Variants in AGTPBP1 observed in about 807,000 individuals in gnomAD.
The protein encoded by AGTPBP1 is ATP/GTP binding carboxypeptidase 1.
In AGTPBP1, 70 loss-of-function variants were observed where a neutral mutation model predicts 143.9. That is an observed-to-expected ratio of 0.49 (90% CI 0.40 to 0.59). The LOEUF is 0.59. AGTPBP1 is among the 20% of genes least tolerant of loss of function. The pLI, the probability that AGTPBP1 is intolerant of heterozygous loss-of-function variation, is 0.00. For missense variants in AGTPBP1, 1,229 were observed against 1,464.5 expected, an observed-to-expected ratio of 0.84 and a Z score of 2.62; for synonymous variants, 463 against 500.2, an observed-to-expected ratio of 0.93 and a Z score of 0.99.
In AGTPBP1 at chr9:85,575,305, T is replaced by C. The variant is rs1443497551; in HGVS notation, c.3503+10A>G. On this transcript the variant is annotated intron_variant, in intron 25 of 25. Transcript: ENST00000357081. The stretch of plus-strand genomic sequence containing the variant: ...ACAATATAATAAAAGAAAAAACAAT[T>C]TTTTCCTACCTAGTTACTTTGCAGC... 2 of 1,566,366 alleles carry C rather than the reference T, an allele frequency of 1.3e-6. No individual in the cohort carries two copies. Among genetic ancestry groups the C allele is most frequent in the Admixed American group, 2.2e-5 (1 of 46,088 alleles).
intron 17 of AGTPBP1, among the ~76,000 whole-genome samples, chr9:85,596,690 C>A (rs1225075453): frequency 2.6e-5 from 4 of 152,106 alleles, no homozygotes; most frequent in African/African-American, 7.2e-5. Context: ...TCATTAAACT[C>A]TTTTCTATTA....
chr9:85,564,192 A>T (rs539257343), intron 25 of AGTPBP1, among the ~76,000 whole-genome samples: 2 of 152,324 alleles, frequency 1.3e-5, no homozygotes, highest in African/African-American at 4.8e-5. Context: ...TGGAGCCTCC[A>T]CTCTAGTGTG....
chr9:85,644,069 G>T (rs1485624896), intron 12 of AGTPBP1, among the ~76,000 whole-genome samples: 2 of 151,506 alleles, frequency 1.3e-5, no homozygotes, highest in Non-Finnish European at 2.9e-5. Flanking sequence ...TAGTTTAAAA[G>T]AAAAAAACAT....
the AGTPBP1 span, chr9:85,786,103 C>T: frequency 6.4e-7 from 1 of 1,568,226 alleles, no homozygotes; most frequent in South Asian, 1.1e-5. Context: ...ATTTTTAGAT[C>T]ATAAGGCTGG....
Position 85,547,131 on chromosome 9 carries a change from A to G in AGTPBP1, c.3659T>C (p.Leu1220Ser), listed in dbSNP as rs763549504. 2 of 1,611,962 alleles carry G rather than the reference A, an allele frequency of 1.2e-6. No individual in the cohort carries two copies. Among genetic ancestry groups the G allele is most frequent in the South Asian group, 2.2e-5 (2 of 90,700 alleles). Residue 1220 changes from leucine (L) to serine (S), a missense_variant, in exon 26 of 26, where the codon TTA becomes TCA. Leu to Ser is a moderately radical substitution (Grantham distance 145). Around this residue, in one of 2 missense-constraint regions of AGTPBP1, gnomAD observed 486 missense variants for 652.3 expected, o/e 0.75. Transcript: ENST00000357081. Reference protein sequence around the residue: ...AQEEVLSDSELSRTYLP With the variant: ...AQEEVLSDSESSRTYLP ...GGCTCAAGGTAGGTATGTTCTTGAT[A>G]ATTCAGAGTCAGAAAGTACTTCTTC...
upstream of AGTPBP1, chr9:85,742,023 C>A (rs977771556): frequency 2.7e-5 from 33 of 1,200,200 alleles, no homozygotes; most frequent in Non-Finnish European, 3.4e-5. Context: ...GCTCCCAGCA[C>A]GCGCAGGGAG....
At chr9:85,802,867 C>T in the AGTPBP1 span, among the ~76,000 whole-genome samples, 5 of 152,204 alleles carry the variant, frequency 3.3e-5, no homozygotes, top group African/African-American at 1.2e-4. Context: ...GGCACAAGTA[C>T]TCTCAAAGTA....
In AGTPBP1 at chr9:85,741,760, C is replaced by T. The variant is rs1177749726; in HGVS notation, c.-34+15G>A. 1 of 1,322,678 alleles carries T rather than the reference C, an allele frequency of 7.6e-7. No individual in the cohort carries two copies. The highest frequency in any genetic ancestry group is 9.6e-7 in the Non-Finnish European group (1 of 1,039,692). 81.9% of individuals were successfully genotyped at this position (1,322,678 alleles called of 1,614,324 possible). ...ACGGCCGGCCGGGACATGAGGACTG[C>T]AGCAGGGCGCTCACCGGCTCAGGAT... On this transcript the variant is annotated intron_variant, in intron 1 of 25. Transcript: ENST00000357081.
chr9:85,576,547 T>C (rs1306215800), intron 24 of AGTPBP1, among the ~76,000 whole-genome samples: 1 of 152,212 alleles, frequency 6.6e-6, no homozygotes, highest in Non-Finnish European at 1.5e-5. Context: ...TTGTAAGTTT[T>C]AGAAAGGTTA....
intron 3 of AGTPBP1, among the ~76,000 whole-genome samples, chr9:85,686,944 C>CA (rs1303293359): frequency 6.6e-6 from 1 of 152,102 alleles, no homozygotes; most frequent in African/African-American, 2.4e-5. Flanking sequence ...CTAAAACACT[C>CA]AGACTAGTTA....
rs997978164 is a variant in AGTPBP1 at position 85,589,466 on chromosome 9, G to A, written c.2722+62C>T. On this transcript the variant is annotated intron_variant, in intron 20 of 25. Coordinates refer to ENST00000357081, the MANE Select transcript of AGTPBP1 (RefSeq NM_001330701.2). The stretch of plus-strand genomic sequence containing the variant: ...TATTATCATTTCCATTATAAAATAC[G>A]GTTAAAGCAAATCAAAGTAGGTGAG... 30 of 1,527,272 alleles carry A rather than the reference G, an allele frequency of 2.0e-5. No individual in the cohort carries two copies. The South Asian group carries it at 2.5e-4, about 13-fold the overall frequency. 94.6% of individuals were successfully genotyped at this position (1,527,272 alleles called of 1,614,324 possible). A position where few individuals can be genotyped will look rare whatever the true frequency, so the allele number is the denominator to read the frequency against.
At chr9:85,802,810 T>G in the AGTPBP1 span, among the ~76,000 whole-genome samples, 3 of 152,136 alleles carry the variant, frequency 2.0e-5, no homozygotes, top group Admixed American at 2.0e-4. Context: ...TGAATCAGAG[T>G]CACCGTGTCC....
the AGTPBP1 span, among the ~76,000 whole-genome samples, chr9:85,772,251 G>A: frequency 6.6e-6 from 1 of 152,154 alleles, no homozygotes; most frequent in Non-Finnish European, 1.5e-5. Context: ...TGGGATTACA[G>A]GTGTGAGCCA....
chr9:85,640,443 G>A (rs185515661), intron 13 of AGTPBP1, among the ~76,000 whole-genome samples: 55 of 152,316 alleles, frequency 3.6e-4, no homozygotes, highest in East Asian at 2.9e-3. Flanking sequence ...AATAGACAAT[G>A]CATTAATAAA....
rs1003311838 is a variant in AGTPBP1, at chr9:85,564,569, A to G, written c.3503+10746T>C. Among the ~76,000 whole-genome samples the G allele has an allele frequency of 3.3e-5, 5 of 152,242 alleles. 1 individual carries two copies. The highest frequency in any genetic ancestry group is 5.9e-5 in the Non-Finnish European group (4 of 68,034). ...TTTACTGTGCTTTTTCTATATTCAA[A>G]TATGTTCAAATACAGAAATACTTCC... On this transcript the variant is annotated intron_variant, in intron 25 of 25. Coordinates refer to ENST00000357081, the MANE Select transcript of AGTPBP1 (RefSeq NM_001330701.2).
chr9:85,796,230 T>C, the AGTPBP1 span, among the ~76,000 whole-genome samples: 6 of 152,178 alleles, frequency 3.9e-5, no homozygotes, highest in African/African-American at 1.2e-4. Flanking sequence ...ACAGTAGTGT[T>C]GTAGTAGTAA....
chr9:85,739,708 C>CAA (rs547952850), intron 1 of AGTPBP1, among the ~76,000 whole-genome samples: 57 of 82,024 alleles, frequency 6.9e-4, no homozygotes, highest in East Asian at 3.0e-3. Flanking sequence ...AACTCCGTCT[C>CAA]AAAAAAAAAA....
intron 14 of AGTPBP1, among the ~76,000 whole-genome samples, chr9:85,628,054 G>A (rs917955267): frequency 6.6e-6 from 1 of 152,112 alleles, no homozygotes; most frequent in Non-Finnish European, 1.5e-5. Flanking sequence ...AAAATTAGGA[G>A]GGGAAAGGCA....
At chr9:85,781,933 C>T in the AGTPBP1 span, among the ~76,000 whole-genome samples, 7 of 151,804 alleles carry the variant, frequency 4.6e-5, no homozygotes, top group East Asian at 1.9e-4. Flanking sequence ...TAATATATTG[C>T]GATGATTAAA....
Sources: gnomAD v4.1 joint callset for allele counts (sites outside exome capture counted in the v4.1 genomes callset) on GRCh38, gnomAD v4.1.1 for gene constraint, gnomAD v4.1.1 regional missense constraint, MANE v1.5 for transcripts, NCBI Gene and HGNC (gene_info 2026-07-23, HGNC 2026-07-21) for gene names.